Variants in NEGR1 observed in about 807,000 individuals in gnomAD.
The protein encoded by NEGR1 is IgLON family member 4.
In NEGR1, 10 loss-of-function variants were observed where a neutral mutation model predicts 40.9. That is an observed-to-expected ratio of 0.24 (90% CI 0.15 to 0.42). The LOEUF (loss-of-function observed/expected upper bound fraction) is 0.42, where lower values mean the gene tolerates loss of function less well. Ranked by LOEUF, NEGR1 falls within the 10% of genes least tolerant of loss-of-function variation. NEGR1 has a pLI of 1.00. For missense variants in NEGR1, 352 were observed against 438.9 expected, an observed-to-expected ratio of 0.80 and a Z score of 1.77; for synonymous variants, 185 against 166.8, an observed-to-expected ratio of 1.11 and a Z score of -0.84.
chr1:71,924,476 T>C (rs983062930), intron 2 of NEGR1, among the ~76,000 whole-genome samples: 21 of 152,176 alleles, frequency 1.4e-4, no homozygotes, highest in African/African-American at 4.8e-4. Flanking sequence ...CACTAATAAA[T>C]AGCTGCAAAA....
intron 1 of NEGR1, among the ~76,000 whole-genome samples, chr1:72,052,557 A>C (rs753259025): frequency 4.0e-5 from 6 of 151,470 alleles, no homozygotes; most frequent in Non-Finnish European, 5.9e-5. Flanking sequence ...AATTGATGTC[A>C]CAGGTGATGT....
At chr1:71,436,706 C>T (rs1047774077) in intron 6 of NEGR1, among the ~76,000 whole-genome samples, 1 of 152,144 alleles carries the variant, frequency 6.6e-6, no homozygotes, top group East Asian at 1.9e-4. Context: ...TCAAGAATAA[C>T]TTATTTTCCC....
At chr1:71,656,021 C>T (rs1355609389) in intron 4 of NEGR1, among the ~76,000 whole-genome samples, 3 of 152,024 alleles carry the variant, frequency 2.0e-5, no homozygotes, top group Non-Finnish European at 4.4e-5. Flanking sequence ...TTTTATTAAC[C>T]CTGCAAACAA....
At chr1:71,453,749 T>G (rs909039071) in intron 6 of NEGR1, among the ~76,000 whole-genome samples, 1 of 152,144 alleles carries the variant, frequency 6.6e-6, no homozygotes, top group Non-Finnish European at 1.5e-5. Context: ...AAAATATTGT[T>G]TGTGTCAGAG....
chr1:71,757,170 GA>G (rs894396759), intron 3 of NEGR1, among the ~76,000 whole-genome samples: 5 of 152,158 alleles, frequency 3.3e-5, no homozygotes, highest in African/African-American at 1.2e-4. Context: ...ACCATTTCAT[GA>G]GATATTTGTA....
intron 1 of NEGR1, among the ~76,000 whole-genome samples, chr1:72,040,758 T>C (rs1569864107): frequency 6.6e-6 from 1 of 151,900 alleles, no homozygotes; most frequent in Non-Finnish European, 1.5e-5. Context: ...GTGCAGATTA[T>C]GATAAACATA....
chr1:71,943,268 T>A (rs960581840), intron 1 of NEGR1, among the ~76,000 whole-genome samples: 4 of 149,998 alleles, frequency 2.7e-5, no homozygotes, highest in Non-Finnish European at 5.9e-5. Context: ...ACATGTATCA[T>A]ACACATATAT....
chr1:72,118,018 A>T lies in NEGR1; in HGVS notation c.176+164301T>A, dbSNP rs77093120. The stretch of plus-strand genomic sequence containing the variant: ...AAGGAAGTCATCAAACACTGCTGGA[A>T]TTCTCTTTGGGCAAGAAACTACTGT... On this transcript the variant is annotated intron_variant, in intron 1 of 6. Coordinates refer to ENST00000357731, the MANE Select transcript of NEGR1 (RefSeq NM_173808.3). 6.3e-3 allele frequency among the ~76,000 whole-genome samples: 965 copies of T among 151,978 alleles called. 12 individuals are homozygous for T. The highest frequency in any genetic ancestry group is 0.022 in the African/African-American group (922 of 41,520).
At chr1:71,839,371 T>C (rs1659156824) in intron 2 of NEGR1, among the ~76,000 whole-genome samples, 2 of 151,524 alleles carry the variant, frequency 1.3e-5, no homozygotes, top group East Asian at 3.9e-4. Context: ...ATCCAGCTAA[T>C]TGTTGTATTT....
intron 1 of NEGR1, among the ~76,000 whole-genome samples, chr1:72,103,238 A>T (rs934158796): frequency 6.6e-6 from 1 of 152,102 alleles, no homozygotes; most frequent in Admixed American, 6.6e-5. Context: ...CTTATATGGT[A>T]CTATGCTCCA....
chr1:71,737,604 A>G (rs944612228), intron 3 of NEGR1, among the ~76,000 whole-genome samples: 2 of 152,164 alleles, frequency 1.3e-5, no homozygotes, highest in Admixed American at 1.3e-4. Context: ...TTTTATTTTG[A>G]TTTACTATTA....
chr1:71,690,055 T>C (rs999499507), intron 4 of NEGR1, among the ~76,000 whole-genome samples: 1 of 152,076 alleles, frequency 6.6e-6, no homozygotes, highest in African/African-American at 2.4e-5. Flanking sequence ...ATAATTCTTG[T>C]ACATACTGCT....
At chr1:71,477,897 A>T (rs573298178) in intron 6 of NEGR1, among the ~76,000 whole-genome samples, 117 of 139,886 alleles carry the variant, frequency 8.4e-4, no homozygotes, top group South Asian at 3.9e-3. Context: ...TTGGATTTTT[A>T]AAAAAAAAAA....
At chr1:71,761,188 A>G (rs1198624725) in intron 3 of NEGR1, among the ~76,000 whole-genome samples, 1 of 152,134 alleles carries the variant, frequency 6.6e-6, no homozygotes, top group Non-Finnish European at 1.5e-5. Context: ...GTCAGCAAAC[A>G]TTTTTTAAAG....
intron 6 of NEGR1, among the ~76,000 whole-genome samples, chr1:71,554,677 G>A (rs1648197225): frequency 6.6e-6 from 1 of 151,122 alleles, no homozygotes; most frequent in African/African-American, 2.4e-5. Flanking sequence ...CTTTTTTCCT[G>A]GTGGAAAAAT....
At chr1:71,944,226 G>C (rs1161161945) in intron 1 of NEGR1, among the ~76,000 whole-genome samples, 1 of 152,084 alleles carries the variant, frequency 6.6e-6, no homozygotes, top group Non-Finnish European at 1.5e-5. Context: ...TGGAGAAGTT[G>C]GACTTTCACC....
chr1:71,422,416 C>T lies in NEGR1; in HGVS notation c.941-14846G>A, dbSNP rs1646403407. 3.9e-5 allele frequency: 6 copies of T among 152,304 alleles called. No homozygotes were observed. The East Asian group carries it at 7.7e-4, about 20-fold the overall frequency. The allele number at this position is 152,304 out of a possible 1,614,324, so 9.4% of individuals were successfully genotyped here. A position where few individuals can be genotyped will look rare whatever the true frequency, so the allele number is the denominator to read the frequency against. Reference sequence around the variant, plus strand: ...TTCAAAGAAATGCACAAATTGACTACTTTAATATTCCTCAATTTGTCATAA... The same window carrying T: ...TTCAAAGAAATGCACAAATTGACTATTTTAATATTCCTCAATTTGTCATAA... On this transcript the variant is annotated intron_variant, in intron 6 of 6. Transcript: ENST00000357731.
rs559818233 is a variant in NEGR1 at position 72,232,801 on chromosome 1, A to G, written c.176+49518T>C. On this transcript the variant is annotated intron_variant, in intron 1 of 6. Coordinates refer to ENST00000357731, the MANE Select transcript of NEGR1 (RefSeq NM_173808.3). ...ATTAGCCATCCTTGTATTTCCAAGAATTTTATTGTTACCACATAAGTTTGA... is the reference window on the plus strand; with the variant it reads ...ATTAGCCATCCTTGTATTTCCAAGAGTTTTATTGTTACCACATAAGTTTGA... 4.6e-5 allele frequency among the ~76,000 whole-genome samples: 7 copies of G among 152,250 alleles called. No homozygotes were observed. In the East Asian group the frequency reaches 1.4e-3, roughly 29 times the overall value.
chr1:71,913,414 C>T (rs937772970), intron 2 of NEGR1, among the ~76,000 whole-genome samples: 10 of 152,112 alleles, frequency 6.6e-5, no homozygotes, highest in African/African-American at 1.2e-4. Context: ...TGCGCCCAGC[C>T]GGAAGCAATC....
Sources: gnomAD v4.1 joint callset for allele counts (sites outside exome capture counted in the v4.1 genomes callset) on GRCh38, gnomAD v4.1.1 for gene constraint, MANE v1.5 for transcripts, NCBI Gene and HGNC (gene_info 2026-07-23, HGNC 2026-07-21) for gene names.